The following ZNF827 variants were observed in gnomAD, a reference collection of about 807,000 sequenced individuals.
ZNF827 encodes the protein zinc finger protein 827.
ZNF827 carries 13 observed loss-of-function variants against 102.4 expected under a neutral mutation model. The observed-to-expected ratio is 0.13, with a 90% confidence interval of 0.08 to 0.20. The LOEUF is 0.20. Among genes scored for constraint, ZNF827 ranks in the 10% least tolerant of loss-of-function variants. The probability of loss-of-function intolerance (pLI) is 1.00; values close to 1 mark genes in which losing one functional copy is unlikely to be tolerated. For synonymous variants in ZNF827, 523 were observed against 536.2 expected, an observed-to-expected ratio of 0.98 and a Z score of 0.34; for missense variants, 1,103 against 1,344.4, an observed-to-expected ratio of 0.82 and a Z score of 2.81.
chr4:145,850,536 G>T (rs1012728503), intron 5 of ZNF827, among the ~76,000 whole-genome samples: 1 of 152,164 alleles, frequency 6.6e-6, no homozygotes, highest in African/African-American at 2.4e-5. Flanking sequence ...TTTAGGTGTG[G>T]CTATTAGATG....
chr4:145,859,374 T>A (rs1339832956), intron 5 of ZNF827, among the ~76,000 whole-genome samples: 1 of 151,112 alleles, frequency 6.6e-6, no homozygotes, highest in East Asian at 1.9e-4. Flanking sequence ...ATAGGAGGAG[T>A]AATATAGGGT....
chr4:145,774,304 G>C (rs1338697081), intron 11 of ZNF827, among the ~76,000 whole-genome samples: 1 of 152,196 alleles, frequency 6.6e-6, no homozygotes, highest in East Asian at 1.9e-4. Flanking sequence ...GAGTCTTTCA[G>C]AGCAGTGAGG....
At chr4:145,900,657 G>A (rs1354286820) in intron 2 of ZNF827, among the ~76,000 whole-genome samples, 5 of 152,040 alleles carry the variant, frequency 3.3e-5, no homozygotes, top group East Asian at 3.9e-4. Flanking sequence ...TGACCCACCC[G>A]CCTTGGCCCC....
chr4:145,887,597 G>T (rs117628884), intron 3 of ZNF827, among the ~76,000 whole-genome samples: 1 of 152,290 alleles, frequency 6.6e-6, no homozygotes, highest in East Asian at 1.9e-4. Context: ...TCATGGAAAG[G>T]CTTTCCCTCT....
intron 4 of ZNF827, among the ~76,000 whole-genome samples, chr4:145,878,559 AGACAGGACAG>A (rs1215402706): frequency 1.9e-3 from 235 of 123,798 alleles, no homozygotes; most frequent in Middle Eastern, 4.3e-3. Context: ...AAAAAAGACA[AGACAGGACAG>A]GACAGGACAG....
At chr4:145,910,326 A>G (rs1274970885) in intron 1 of ZNF827, among the ~76,000 whole-genome samples, 1 of 152,190 alleles carries the variant, frequency 6.6e-6, no homozygotes, top group Non-Finnish European at 1.5e-5. Flanking sequence ...GTGCTTAGCC[A>G]GACCTTCCAT....
intron 8 of ZNF827, among the ~76,000 whole-genome samples, chr4:145,813,736 C>T (rs1742286701): frequency 6.6e-6 from 1 of 152,200 alleles, no homozygotes; most frequent in Non-Finnish European, 1.5e-5. Context: ...CCCTTGCCGG[C>T]AGTGGCCTGA....
intron 4 of ZNF827, among the ~76,000 whole-genome samples, chr4:145,873,306 A>G (rs1311479290): frequency 6.6e-6 from 1 of 152,198 alleles, no homozygotes; most frequent in Non-Finnish European, 1.5e-5. Flanking sequence ...TTAGTGATCA[A>G]TACATATTTG....
chr4:145,848,858 G>A (rs1017643567), intron 6 of ZNF827, among the ~76,000 whole-genome samples: 21 of 152,110 alleles, frequency 1.4e-4, no homozygotes, highest in African/African-American at 5.1e-4. Context: ...TTCATCTTTT[G>A]CTTTTCCCTT....
At chr4:145,934,843 T>C (rs1225488369) in intron 1 of ZNF827, among the ~76,000 whole-genome samples, 11 of 152,226 alleles carry the variant, frequency 7.2e-5, no homozygotes, top group Non-Finnish European at 1.5e-5. Flanking sequence ...GGGAGAGACC[T>C]AAGAGGAAGT....
In ZNF827 at chr4:145,885,889, C is replaced by T. The variant is rs2126823143; in HGVS notation, c.1536G>A (p.Gln512=). ...MTSNTPERTS[Q]GGAGVSPLLV... is the part of the protein sequence containing the mutation. ...GCAAAGGCGAGACGCCAGCCCCTCC[C>T]TGGCTAGTCCTCTCTGGAGTGTTAG... Residue 512 remains glutamine (Q), a synonymous_variant, in exon 4 of 15, where the codon CAG becomes CAA. Transcript: ENST00000508784. 2 of 1,614,230 alleles carry T rather than the reference C, an allele frequency of 1.2e-6. No homozygotes were observed. Among genetic ancestry groups the T allele is most frequent in the East Asian group, 2.2e-5 (1 of 44,878 alleles).
chr4:145,794,101 G>A (rs570346695), intron 8 of ZNF827, among the ~76,000 whole-genome samples: 17 of 152,272 alleles, frequency 1.1e-4, no homozygotes, highest in African/African-American at 3.4e-4. Flanking sequence ...GTACTAGAGC[G>A]GAGAACAGAT....
chr4:145,850,193 AG>A (rs944294342), intron 5 of ZNF827, among the ~76,000 whole-genome samples: 7 of 152,178 alleles, frequency 4.6e-5, no homozygotes, highest in African/African-American at 1.4e-4. Context: ...TATTTTTAGT[AG>A]AGACAGGGTT....
At position 145,938,494 on chromosome 4, in the gene ZNF827, G is replaced by T. The variant is rs1201626517; in HGVS notation, c.-87C>A. 6 of 1,141,304 alleles carry T rather than the reference G, an allele frequency of 5.3e-6. No homozygotes were observed. The highest frequency in any genetic ancestry group is 1.5e-5 in the African/African-American group (1 of 65,408). 70.7% of individuals were successfully genotyped at this position (1,141,304 alleles called of 1,614,324 possible). A position where few individuals can be genotyped will look rare whatever the true frequency, so the allele number is the denominator to read the frequency against. Reference sequence around the variant, plus strand: ...GGCAGAGAGGCAGACACTGGCAGGAGCGGGGAGGTAGTTGGGGGGCGGGCG... The same window carrying T: ...GGCAGAGAGGCAGACACTGGCAGGATCGGGGAGGTAGTTGGGGGGCGGGCG... On this transcript the variant is annotated 5_prime_UTR_variant, in exon 1 of 15. Coordinates refer to ENST00000508784, the MANE Select transcript of ZNF827 (RefSeq NM_001306215.2).
chr4:145,914,224 T>C (rs1752509807), intron 1 of ZNF827, among the ~76,000 whole-genome samples: 3 of 152,162 alleles, frequency 2.0e-5, no homozygotes, highest in African/African-American at 7.2e-5. Context: ...AAAAGGGCCG[T>C]GGGAGACAAG....
chr4:145,796,784 C>T (rs1740431939), intron 8 of ZNF827, among the ~76,000 whole-genome samples: 1 of 152,074 alleles, frequency 6.6e-6, no homozygotes, highest in Non-Finnish European at 1.5e-5. Context: ...TGCCCGCTAC[C>T]ACGCCTGGCT....
intron 1 of ZNF827, chr4:145,907,073 A>G: frequency 2.2e-6 from 1 of 456,774 alleles, no homozygotes; most frequent in African/African-American, 2.0e-5. Context: ...AGGTTAAATA[A>G]ATGGTGAGAG....
intron 5 of ZNF827, among the ~76,000 whole-genome samples, chr4:145,866,981 T>G (rs978349554): frequency 1.3e-5 from 2 of 152,242 alleles, no homozygotes; most frequent in Non-Finnish European, 2.9e-5. Context: ...ACTCTGAATC[T>G]CTTACACTAT....
chr4:145,788,452 A>T (rs1739203921), intron 8 of ZNF827, among the ~76,000 whole-genome samples: 1 of 152,198 alleles, frequency 6.6e-6, no homozygotes, highest in Non-Finnish European at 1.5e-5. Context: ...TTATAACAAT[A>T]ATCATTTTAA....
Sources: gnomAD v4.1 joint callset for allele counts (sites outside exome capture counted in the v4.1 genomes callset) on GRCh38, gnomAD v4.1.1 for gene constraint, MANE v1.5 for transcripts, NCBI Gene and HGNC (gene_info 2026-07-23, HGNC 2026-07-21) for gene names.